TTC17: variants seen among roughly 807,000 people sequenced by gnomAD.
The protein encoded by TTC17 is tetratricopeptide repeat domain 17.
TTC17 carries 58 observed loss-of-function variants against 143.8 expected under a neutral mutation model. The observed-to-expected ratio is 0.40, with a 90% confidence interval of 0.33 to 0.50. The LOEUF is 0.50. Ranked by LOEUF, TTC17 falls within the 20% of genes least tolerant of loss-of-function variation. The pLI is 0.49. For missense variants in TTC17, 1,273 were observed against 1,392.5 expected (o/e 0.91, Z 1.37); for synonymous variants, 501 against 497.8 (o/e 1.01, Z -0.09).
Position 43,418,275 on chromosome 11 carries a change from C to T in TTC17, c.2251+3499C>T, listed in dbSNP as rs150805189. ...AGCTGTTTATCATCATCATCTCTCC[C>T]TCTTTTGAATAAAATTTCATAAATC... On this transcript the variant is annotated intron_variant, in intron 16 of 23. Coordinates refer to ENST00000039989, the MANE Select transcript of TTC17 (RefSeq NM_018259.6). Among the ~76,000 whole-genome samples, 845 of 152,232 alleles carry T rather than the reference C, an allele frequency of 5.6e-3. 3 individuals carry two copies. The highest frequency in any genetic ancestry group is 0.011 in the Admixed American group (167 of 15,292).
chr11:43,377,394 G>A (rs1856802925), intron 1 of TTC17, among the ~76,000 whole-genome samples: 2 of 152,306 alleles, frequency 1.3e-5, no homozygotes, highest in East Asian at 3.8e-4. Flanking sequence ...TTACAAAGTT[G>A]TCAAACATAC....
At position 43,397,901 on chromosome 11, in the gene TTC17, CGTGTGTGTGTGTGTGTGTGTGTGT is replaced by C. The variant is rs368934799; in HGVS notation, c.919-46_919-23del. ...AGGCCGTGGCTAACATTTTTTTTTCCGTGTGTGTGTGTGTGTGTGTGTGTGTGTGTGTGTGTGTGTGTGTGTGTG... is the reference window on the plus strand; with the variant it reads ...AGGCCGTGGCTAACATTTTTTTTTCCGTGTGTGTGTGTGTGTGTGTGTGTG... On this transcript the variant is annotated intron_variant, in intron 7 of 23. Transcript: ENST00000039989. The C allele has an allele frequency of 2.8e-3, 3,433 of 1,246,990 alleles. 8 individuals carry two copies. Among genetic ancestry groups the C allele is most frequent in the Middle Eastern group, 4.6e-3 (18 of 3,956 alleles). 77.2% of individuals were successfully genotyped at this position (1,246,990 alleles called of 1,614,324 possible). A position where few individuals can be genotyped will look rare whatever the true frequency, so the allele number is the denominator to read the frequency against.
chr11:43,418,649 AAAAACAGCCTTTTTTTATTGG>A (rs529413588), intron 16 of TTC17, among the ~76,000 whole-genome samples: 455 of 152,312 alleles, frequency 3.0e-3, no homozygotes, highest in South Asian at 0.013. Flanking sequence ...AACACTTAAA[AAAAACAGCCTTTTTTTATTGG>A]AAAAAATAAA....
intron 21 of TTC17, among the ~76,000 whole-genome samples, chr11:43,479,263 T>G (rs1019534108): frequency 2.6e-5 from 4 of 152,102 alleles, no homozygotes; most frequent in Non-Finnish European, 5.9e-5. Flanking sequence ...AAAAAGTTCC[T>G]TTATTTTTGT....
chr11:43,489,555 T>C (rs1319781366), intron 21 of TTC17, among the ~76,000 whole-genome samples: 1 of 151,982 alleles, frequency 6.6e-6, no homozygotes, highest in Admixed American at 6.6e-5. Context: ...CTGGCCAACA[T>C]GGTGAAACTC....
intron 5 of TTC17, among the ~76,000 whole-genome samples, chr11:43,394,819 TG>T (rs1857518388): frequency 6.6e-6 from 1 of 152,058 alleles, no homozygotes; most frequent in Admixed American, 6.6e-5. Context: ...GTCTGACTCC[TG>T]GGTGCCTCCC....
chr11:43,425,011 T>G (rs1946993323), intron 16 of TTC17, among the ~76,000 whole-genome samples: 1 of 152,244 alleles, frequency 6.6e-6, no homozygotes, highest in African/African-American at 2.4e-5. Flanking sequence ...TATACACTTG[T>G]GTGTAGTGAG....
intron 16 of TTC17, among the ~76,000 whole-genome samples, chr11:43,416,573 A>G (rs1257459327): frequency 6.6e-6 from 1 of 152,180 alleles, no homozygotes; most frequent in Non-Finnish European, 1.5e-5. Flanking sequence ...CTTGGAACAG[A>G]TCTTTCTCAG....
intron 21 of TTC17, among the ~76,000 whole-genome samples, chr11:43,474,576 G>A (rs987999477): frequency 3.9e-5 from 6 of 152,064 alleles, no homozygotes; most frequent in South Asian, 2.1e-4. Context: ...TATTCAGTTG[G>A]TAGCATAACC....
At position 43,452,573 on chromosome 11, in the gene TTC17, C is replaced by A. The variant is rs75718309; in HGVS notation, c.3030+1308C>A. Among the ~76,000 whole-genome samples, 769 of 152,166 alleles carry A rather than the reference C, an allele frequency of 5.1e-3. 6 individuals are homozygous for A. The highest frequency in any genetic ancestry group is 0.018 in the African/African-American group (745 of 41,516). ...CCATAGGAAAAAGCAGCAAAACTTA[C>A]TAAAGAACACACAGCAGGAAAATAT... On this transcript the variant is annotated intron_variant, in intron 21 of 23. Transcript: ENST00000039989.
chr11:43,376,761 T>G (rs977589941), intron 1 of TTC17, among the ~76,000 whole-genome samples: 1 of 152,188 alleles, frequency 6.6e-6, no homozygotes, highest in Non-Finnish European at 1.5e-5. Flanking sequence ...TAAACACTTA[T>G]TGGTTGAATG....
At chr11:43,443,764 T>C (rs773542579) in intron 17 of TTC17, among the ~76,000 whole-genome samples, 180 bp downstream of exon 17, 2 of 152,318 alleles carry the variant, frequency 1.3e-5, no homozygotes, top group Non-Finnish European at 1.5e-5. Flanking sequence ...TATTGCTGGC[T>C]CTTCTGGAAG....
intron 21 of TTC17, among the ~76,000 whole-genome samples, chr11:43,480,200 C>A (rs1281959578): frequency 6.6e-6 from 1 of 152,176 alleles, no homozygotes; most frequent in Non-Finnish European, 1.5e-5. Flanking sequence ...TTTATTCATT[C>A]ATTCAGCAAA....
intron 16 of TTC17, among the ~76,000 whole-genome samples, chr11:43,434,248 C>T (rs938944441): frequency 1.3e-4 from 19 of 148,348 alleles, no homozygotes; most frequent in African/African-American, 4.8e-4. Flanking sequence ...TGGCCTCTTT[C>T]CCATTAGCCC....
At position 43,404,023 on chromosome 11, in the gene TTC17, G is replaced by A. The variant is rs762539862; in HGVS notation, c.1358G>A (p.Ser453Asn). ...TTTGGTGAGGATTCATCAACCTCCAGTATGATGTCTGTGAACTTTGATGTT... is the reference window on the plus strand; with the variant it reads ...TTTGGTGAGGATTCATCAACCTCCAATATGATGTCTGTGAACTTTGATGTT... ...VQFGEDSSTS[S>N]MMSVNFDVQS... Residue 453 changes from serine (S) to asparagine (N), a missense_variant, in exon 11 of 24, where the codon AGT becomes AAT. This residue lies in a region of TTC17 where 878 missense variants were observed against 899.8 expected (regional missense o/e 0.98). Coordinates refer to ENST00000039989, the MANE Select transcript of TTC17 (RefSeq NM_018259.6). The A allele has an allele frequency of 1.2e-6, 2 of 1,610,762 alleles. No homozygotes were observed. The highest frequency in any genetic ancestry group is 1.7e-6 in the Non-Finnish European group (2 of 1,178,700).
chr11:43,380,193 G>A (rs759438914), intron 2 of TTC17, among the ~76,000 whole-genome samples: 2 of 152,164 alleles, frequency 1.3e-5, no homozygotes, highest in Non-Finnish European at 2.9e-5. Context: ...GCAAGATATG[G>A]CAGAACCAGA....
intron 2 of TTC17, among the ~76,000 whole-genome samples, chr11:43,388,117 G>A (rs2134514201): frequency 6.6e-6 from 1 of 152,272 alleles, no homozygotes; most frequent in Admixed American, 6.5e-5. Context: ...TATACAAGGA[G>A]ACATTTATAA....
At chr11:43,392,572 A>G (rs1857430629) in intron 5 of TTC17, among the ~76,000 whole-genome samples, 1 of 152,218 alleles carries the variant, frequency 6.6e-6, no homozygotes, top group Non-Finnish European at 1.5e-5. Flanking sequence ...CTTTGTATAC[A>G]GTTTTTTCAA....
At chr11:43,458,601 G>T (rs1014105558) in intron 21 of TTC17, among the ~76,000 whole-genome samples, 10 of 152,016 alleles carry the variant, frequency 6.6e-5, no homozygotes, top group African/African-American at 2.4e-4. Flanking sequence ...CTTCCTACTG[G>T]CTCACATTGC....
Sources: allele counts gnomAD v4.1 joint callset (sites outside exome capture counted in the v4.1 genomes callset), GRCh38; gene constraint gnomAD v4.1.1; regional missense constraint gnomAD v4.1.1; transcripts MANE v1.5; gene names NCBI Gene and HGNC (gene_info 2026-07-23, HGNC 2026-07-21).